Variants in ZNF75A observed in about 807,000 individuals in gnomAD.
ZNF75A encodes the protein zinc finger protein 75A.
A neutral mutation model predicts 46.3 loss-of-function variants in ZNF75A; 36 were observed. The ratio of observed to expected loss-of-function variants is 0.78; its 90% CI spans 0.60 to 1.03. The LOEUF (loss-of-function observed/expected upper bound fraction) is 1.03, where lower values mean the gene tolerates loss of function less well. Among genes scored for constraint, ZNF75A ranks in the 50% least tolerant of loss-of-function variants. ZNF75A has a pLI of 0.00. For synonymous variants in ZNF75A, 234 were observed against 189.9 expected (o/e 1.23, Z -1.91); for missense variants, 595 against 551.3 (o/e 1.08, Z -0.79).
intron 2 of ZNF75A, among the ~76,000 whole-genome samples, chr16:3,311,343 CAGG>C (rs1960774996): frequency 2.0e-5 from 3 of 151,432 alleles, no homozygotes; most frequent in African/African-American, 7.3e-5. Context: ...AAGGCTGAGG[CAGG>C]AGAATCACTT....
chr16:3,319,446 CTG>C (rs1304126705), downstream of ZNF75A, among the ~76,000 whole-genome samples: 3 of 152,206 alleles, frequency 2.0e-5, no homozygotes, highest in African/African-American at 7.2e-5. Flanking sequence ...ACAGCCAACT[CTG>C]GAGCTCTGGT....
chr16:3,308,269 G>A, intron 1 of ZNF75A, 44 bp from the exon 2 acceptor site: 3 of 288,676 alleles, frequency 1.0e-5, no homozygotes, highest in Non-Finnish European at 1.6e-5. Flanking sequence ...TGAGGTTCAT[G>A]TGAGTTTCTT....
intron 1 of ZNF75A, 194 bp downstream of exon 1, chr16:3,305,837 C>G (rs1400633107): frequency 6.6e-6 from 1 of 152,260 alleles, no homozygotes; most frequent in Non-Finnish European, 1.5e-5. Flanking sequence ...ATCCCAGAGG[C>G]GCGGCTGAAG....
rs952254892 is a variant in ZNF75A at position 3,316,907 on chromosome 16, G to A, written c.824-5G>A. Reference sequence around the variant, plus strand: ...GTCCTTGACCTCATTTTGTCCATTTGACAGCATTGTTTGTGCTCCCCAAAC... The same window carrying A: ...GTCCTTGACCTCATTTTGTCCATTTAACAGCATTGTTTGTGCTCCCCAAAC... On this transcript the variant is annotated splice_polypyrimidine_tract_variant and splice_region_variant and intron_variant, in intron 5 of 6. Coordinates refer to ENST00000669516, the MANE Select transcript of ZNF75A (RefSeq NM_001302109.2). 3 of 1,606,638 alleles carry A rather than the reference G, an allele frequency of 1.9e-6. No homozygotes were observed. Among genetic ancestry groups the A allele is most frequent in the Admixed American group, 1.7e-5 (1 of 58,928 alleles).
At position 3,305,522 on chromosome 16, in the gene ZNF75A, C is replaced by G. The variant is rs1960124916; in HGVS notation, c.-238C>G. On this transcript the variant is annotated 5_prime_UTR_variant, in exon 1 of 7. Transcript: ENST00000669516. ...GCTCTGGCTCTGTACCTGGACAGGG[C>G]TGCGGTAGGCCAGCGGTGGGCTGGC... The G allele has an allele frequency of 6.6e-6, 1 of 152,310 alleles. No homozygotes were observed. The highest frequency in any genetic ancestry group is 2.1e-4 in the South Asian group (1 of 4,836). The allele number at this position is 152,310 out of a possible 1,614,324, so 9.4% of individuals were successfully genotyped here. A position where few individuals can be genotyped will look rare whatever the true frequency, so the allele number is the denominator to read the frequency against.
intron 2 of ZNF75A, chr16:3,310,541 C>G (rs890112959): frequency 2.6e-6 from 1 of 392,148 alleles, no homozygotes; most frequent in African/African-American, 2.2e-5. Context: ...GGGAGGATCA[C>G]CTGAGCCTGG....
At position 3,318,057 on chromosome 16, in the gene ZNF75A, A is replaced by G. The variant is rs1336763603; in HGVS notation, c.*188A>G. The stretch of plus-strand genomic sequence containing the variant: ...CTCAGTAGTCTTCTGTGGTCACAGA[A>G]GTAAACATTGTTGGCTTTGTATTGA... On this transcript the variant is annotated 3_prime_UTR_variant, in exon 7 of 7. Coordinates refer to ENST00000669516, the MANE Select transcript of ZNF75A (RefSeq NM_001302109.2). The G allele has an allele frequency of 1.2e-5, 16 of 1,387,284 alleles. No homozygotes were observed. In the South Asian group the frequency reaches 1.3e-4, roughly 11 times the overall value. The allele number at this position is 1,387,284 out of a possible 1,614,324, so 85.9% of individuals were successfully genotyped here.
At chr16:3,317,061 G>A (rs17611827) in intron 6 of ZNF75A, 39 bp downstream of exon 6, 341,307 of 1,575,034 alleles carry the variant, frequency 0.22, 39,200 homozygotes, top group Admixed American at 0.31. Context: ...GTGCCTTGAT[G>A]TGAACTTTTG....
Position 3,318,503 on chromosome 16 carries a change from G to A in ZNF75A, c.*634G>A. 1.0e-6 allele frequency: 1 copy of A among 985,368 alleles called. No homozygotes were observed. The allele number at this position is 985,368 out of a possible 1,614,324, so 61.0% of individuals were successfully genotyped here. ...TCTAATGGAATCATGGGGGAAACGG[G>A]TTGGAATTTGTAGCCATGGAATATA... On this transcript the variant is annotated 3_prime_UTR_variant, in exon 7 of 7. Transcript: ENST00000669516.
At chr16:3,323,006 G>C (rs2030002474), downstream of ZNF75A, 10 of 825,690 alleles carry the variant, frequency 1.2e-5, no homozygotes, top group Non-Finnish European at 1.5e-5. Flanking sequence ...ACTGGACTGT[G>C]ATGAGAGGTA....
chr16:3,319,022 T>G (rs575735940), downstream of ZNF75A, among the ~76,000 whole-genome samples: 1 of 152,358 alleles, frequency 6.6e-6, no homozygotes, highest in South Asian at 2.1e-4. Flanking sequence ...TACAACTTGC[T>G]TGTTTAGCTA....
At position 3,317,227 on chromosome 16, in the gene ZNF75A, T is replaced by C. The variant is rs1245981598; in HGVS notation, c.972T>C (p.Pro324=). 1 of 1,613,486 alleles carries C rather than the reference T, an allele frequency of 6.2e-7. No individual in the cohort carries two copies. The highest frequency in any genetic ancestry group is 8.5e-7 in the Non-Finnish European group (1 of 1,179,810). The change falls in exon 7 of 7, where the codon CCT becomes CCC. Residue 324 remains proline, a synonymous_variant. Transcript: ENST00000669516. Reference sequence around the variant, plus strand: ...AAAACGACACTGAAAATCATCAGCCTGTGTCTCTTTCTGACTTAGAAATAC... The same window carrying C: ...AAAACGACACTGAAAATCATCAGCCCGTGTCTCTTTCTGACTTAGAAATAC... ...KLKNDTENHQ[P]VSLSDLEIQA...
chr16:3,313,031 G>A lies in ZNF75A; in HGVS notation c.697-18G>A. The A allele has an allele frequency of 6.2e-7, 1 of 1,606,580 alleles. No individual in the cohort carries two copies. Among genetic ancestry groups the A allele is most frequent in the Non-Finnish European group, 8.5e-7 (1 of 1,176,054 alleles). On this transcript the variant is annotated intron_variant, in intron 4 of 6. Coordinates refer to ENST00000669516, the MANE Select transcript of ZNF75A (RefSeq NM_001302109.2). The stretch of plus-strand genomic sequence containing the variant: ...GTACAGTGGCAGGTTCTGAGCTGAA[G>A]TCCATTCTCTTCTTTAGAGCTTGTT...
chr16:3,314,957 G>T, intron 5 of ZNF75A: 1 of 985,350 alleles, frequency 1.0e-6, no homozygotes, highest in Non-Finnish European at 1.2e-6. Flanking sequence ...GAGGGTCTCA[G>T]TGTTCCAGGA....
At chr16:3,321,007 A>G (rs56045231), downstream of ZNF75A, among the ~76,000 whole-genome samples, 13,313 of 152,232 alleles carry the variant, frequency 0.087, 857 homozygotes, top group South Asian at 0.17. Context: ...GCTGCTGCAC[A>G]TAACATGATG....
chr16:3,319,696 G>A (rs758861030), downstream of ZNF75A, among the ~76,000 whole-genome samples: 10 of 152,028 alleles, frequency 6.6e-5, no homozygotes, highest in Non-Finnish European at 1.2e-4. Context: ...GAATGGTTTT[G>A]CTTTCCTGCT....
At position 3,311,792 on chromosome 16, in the gene ZNF75A, G is replaced by A; in HGVS notation, c.448G>A (p.Gly150Arg). 2 of 1,050,400 alleles carry A rather than the reference G, an allele frequency of 1.9e-6. No individual in the cohort carries two copies. Among genetic ancestry groups the A allele is most frequent in the Non-Finnish European group, 2.3e-6 (2 of 862,976 alleles). The allele number at this position is 1,050,400 out of a possible 1,614,324, so 65.1% of individuals were successfully genotyped here. A position where few individuals can be genotyped will look rare whatever the true frequency, so the allele number is the denominator to read the frequency against. Residue 150 changes from glycine (G) to arginine (R), a missense_variant, in exon 3 of 7, where the codon GGA becomes AGA. Physicochemically the swap from Gly to Arg is moderately radical, Grantham distance 125. Coordinates refer to ENST00000669516, the MANE Select transcript of ZNF75A (RefSeq NM_001302109.2). ...GCTGGGAAAGGAGGCAGTGCTCTTG[G>A]GAGAAACAGCAGAGGCCTCAAGTTT... The part of the protein sequence containing the change: ...HELGKEAVLL[G>R]ETAEASSFGL...
downstream of ZNF75A, among the ~76,000 whole-genome samples, chr16:3,319,648 T>TC (rs886228149): frequency 4.5e-4 from 68 of 152,272 alleles, no homozygotes; most frequent in African/African-American, 1.6e-3. Flanking sequence ...CAAAATTGCA[T>TC]CCCCTCATGG....
intron 5 of ZNF75A, among the ~76,000 whole-genome samples, chr16:3,315,308 C>G (rs1961129575): frequency 6.6e-6 from 1 of 151,168 alleles, no homozygotes; most frequent in African/African-American, 2.4e-5. Flanking sequence ...TCTCCTGCGT[C>G]AGCCTCCCAA....
Sources: gnomAD v4.1 joint callset for allele counts (sites outside exome capture counted in the v4.1 genomes callset) on GRCh38, gnomAD v4.1.1 for gene constraint, MANE v1.5 for transcripts, NCBI Gene and HGNC (gene_info 2026-07-23, HGNC 2026-07-21) for gene names.